The following GALC variants were observed in gnomAD, a reference collection of about 807,000 sequenced individuals.
GALC encodes the protein galactosylceramidase, also known as galactocerebrosidase.
GALC carries 77 observed loss-of-function variants against 91.8 expected under a neutral mutation model. The ratio of observed to expected loss-of-function variants is 0.84; its 90% CI spans 0.70 to 1.01. The LOEUF (loss-of-function observed/expected upper bound fraction) is 1.01. Ranked by LOEUF, GALC falls within the 50% of genes least tolerant of loss-of-function variation. The pLI is 0.00. For synonymous variants in GALC, 357 were observed against 306.7 expected, an observed-to-expected ratio of 1.16 and a Z score of -1.71; for missense variants, 882 against 855.9, an observed-to-expected ratio of 1.03 and a Z score of -0.38.
chr14:87,989,484 C>G (rs1236140944), intron 1 of GALC: 1 of 152,240 alleles, frequency 6.6e-6, no homozygotes, highest in Non-Finnish European at 1.5e-5. Context: ...TATCCCAAAC[C>G]AAACATAGCA....
chr14:87,970,751 C>T (rs1886258669), intron 7 of GALC, among the ~76,000 whole-genome samples: 2 of 150,572 alleles, frequency 1.3e-5, no homozygotes, highest in African/African-American at 4.9e-5. Flanking sequence ...TGCCTGTAGT[C>T]CCAGCTACTT....
At chr14:87,993,418 C>G, upstream of GALC, 2 of 1,535,850 alleles carry the variant, frequency 1.3e-6, no homozygotes, top group Non-Finnish European at 8.7e-7. Context: ...TGGTGGAGCA[C>G]TTTAACGCAG....
At chr14:87,963,594 A>C in intron 9 of GALC, 83 bp from the exon 10 acceptor site, 1 of 1,187,534 alleles carries the variant, frequency 8.4e-7, no homozygotes, top group Non-Finnish European at 1.2e-6. Context: ...GCTGTATATC[A>C]ATTTGAGTCT....
At position 87,965,505 on chromosome 14, in the gene GALC, C is replaced by T. The variant is rs779248589; in HGVS notation, c.1033G>A (p.Ala345Thr). 1.2e-6 allele frequency: 2 copies of T among 1,613,338 alleles called. No homozygotes were observed. Among genetic ancestry groups the T allele is most frequent in the Non-Finnish European group, 1.7e-6 (2 of 1,179,510 alleles). ...YVVESPVWVS[A>T]HTTQFTQPGW... is the part of the protein sequence containing the mutation. ...AGTGAGAGATGGAACTGAACCATAC[C>T]TGATACCCAGACAGGAGATTCTACC... Residue 345 changes from alanine to threonine, a missense_variant and splice_region_variant, in exon 9 of 17, where the codon GCT (alanine) becomes ACT (threonine). Physicochemically the swap from Ala to Thr is moderately conservative, Grantham distance 58. Transcript: ENST00000261304.
At chr14:87,992,329 A>G (rs1342253432) in intron 1 of GALC, 4 of 1,535,772 alleles carry the variant, frequency 2.6e-6, no homozygotes, top group Non-Finnish European at 3.5e-6. Flanking sequence ...CATGAAGCCC[A>G]TGGGCCCAGA....
At chr14:87,965,778 T>G (rs377458334) in intron 8 of GALC, 149 bp from the exon 9 acceptor site, 53 of 802,326 alleles carry the variant, frequency 6.6e-5, no homozygotes, top group Middle Eastern at 3.4e-4. Flanking sequence ...AAATATAAGT[T>G]GTCTAAATTT....
intron 14 of GALC, among the ~76,000 whole-genome samples, chr14:87,942,013 G>A (rs998849940): frequency 7.2e-5 from 11 of 151,996 alleles, no homozygotes; most frequent in South Asian, 2.1e-4. Flanking sequence ...AAGCTATTCC[G>A]GGGCCAACTT....
chr14:87,937,277 G>T (rs1452555524), intron 16 of GALC, among the ~76,000 whole-genome samples: 1 of 26,156 alleles, frequency 3.8e-5, no homozygotes, highest in Admixed American at 7.0e-4. Flanking sequence ...CTCTTATGGA[G>T]CTTATATTCT....
At position 87,993,156 on chromosome 14, in the gene GALC, C is replaced by A; in HGVS notation, c.9G>T (p.Glu3Asp). Residue 3 changes from glutamate to aspartate, a missense_variant, in exon 1 of 17, where the codon GAG becomes GAT. Physicochemically the swap from Glu to Asp is conservative, Grantham distance 45. Transcript: ENST00000261304. MA[E>D]WLLSASWQRR... The stretch of plus-strand genomic sequence containing the variant: ...GTTGCCAGGAAGCCGAGAGTAGCCA[C>A]TCAGCCATTGTGTGGGTCACATGAC... 1.9e-6 allele frequency: 3 copies of A among 1,591,236 alleles called. No individual in the cohort carries two copies. The highest frequency in any genetic ancestry group is 1.7e-6 in the Non-Finnish European group (2 of 1,169,278).
At chr14:87,965,168 T>C (rs1885981870) in intron 9 of GALC, among the ~76,000 whole-genome samples, 3 of 152,154 alleles carry the variant, frequency 2.0e-5, no homozygotes, top group Non-Finnish European at 4.4e-5. Context: ...AGACTTCTAC[T>C]CTGTTTATAA....
intron 13 of GALC, 25 bp from the exon 14 acceptor site, chr14:87,945,758 T>C (rs766016339): frequency 6.4e-7 from 1 of 1,565,378 alleles, no homozygotes; most frequent in Admixed American, 1.7e-5. Context: ...AGAAATTCTC[T>C]GTTTAGTATC....
Position 87,977,536 on chromosome 14 carries a change from C to G in GALC, c.622-1048G>C, listed in dbSNP as rs1886553409. On this transcript the variant is annotated intron_variant, in intron 6 of 16. Transcript: ENST00000261304. ...ATCAAGAGCAGAGAAAAGGAGACAT[C>G]ATTTTACTCAGGATCAGGAAGATCA... is the stretch of plus-strand genomic sequence containing the variant. Among the ~76,000 whole-genome samples, 4 of 152,280 alleles carry G rather than the reference C, an allele frequency of 2.6e-5. No homozygotes were observed. The South Asian group carries it at 8.3e-4, about 32-fold the overall frequency.
chr14:87,934,418 T>C lies in GALC; in HGVS notation c.*314A>G, dbSNP rs754072032. On this transcript the variant is annotated 3_prime_UTR_variant, in exon 17 of 17. Coordinates refer to ENST00000261304, the MANE Select transcript of GALC (RefSeq NM_000153.4). ...CGCTTGCAAATAAGATGAAGAGAGC[T>C]ACCTCAGTGTTAGCAGCAAGGCTTC... 3 of 1,289,700 alleles carry C rather than the reference T, an allele frequency of 2.3e-6. No homozygotes were observed. Among genetic ancestry groups the C allele is most frequent in the Non-Finnish European group, 3.0e-6 (3 of 1,011,834 alleles). 79.9% of individuals were successfully genotyped at this position (1,289,700 alleles called of 1,614,324 possible). A position where few individuals can be genotyped will look rare whatever the true frequency, so the allele number is the denominator to read the frequency against.
At chr14:87,979,153 T>C (rs570771598) in intron 6 of GALC, among the ~76,000 whole-genome samples, 3 of 152,106 alleles carry the variant, frequency 2.0e-5, no homozygotes, top group East Asian at 3.9e-4. Context: ...GCCTCCCAAG[T>C]AGATGGGATT....
At chr14:87,987,079 G>GA (rs753422396) in intron 3 of GALC, 1,664 of 364,674 alleles carry the variant, frequency 4.6e-3, no homozygotes, top group African/African-American at 8.7e-3. Flanking sequence ...AGAGTTTTGA[G>GA]GAAAAAAAAA....
chr14:87,942,792 TTATC>T (rs911997669), intron 14 of GALC, among the ~76,000 whole-genome samples: 20 of 152,124 alleles, frequency 1.3e-4, no homozygotes, highest in Admixed American at 1.2e-3. Context: ...CCACACTTAA[TTATC>T]TAAGCAGAGC....
intron 12 of GALC, among the ~76,000 whole-genome samples, chr14:87,948,461 G>C (rs1190199935): frequency 2.6e-5 from 4 of 152,008 alleles, no homozygotes; most frequent in African/African-American, 9.7e-5. Context: ...ATACCTTATA[G>C]ACTGCTGTGA....
intron 10 of GALC, among the ~76,000 whole-genome samples, chr14:87,951,550 C>A: frequency 6.6e-6 from 1 of 151,908 alleles, no homozygotes; most frequent in Middle Eastern, 3.4e-3. Flanking sequence ...TCTTTTCAAG[C>A]GCACATGGAA....
chr14:87,954,280 CA>C, intron 10 of GALC: 1 of 1,547,112 alleles, frequency 6.5e-7, no homozygotes, highest in South Asian at 1.1e-5. Flanking sequence ...TTAGTCCACA[CA>C]ATACTAAGAG....
Sources: allele counts gnomAD v4.1 joint callset (sites outside exome capture counted in the v4.1 genomes callset), GRCh38; gene constraint gnomAD v4.1.1; transcripts MANE v1.5; gene names NCBI Gene and HGNC (gene_info 2026-07-23, HGNC 2026-07-21).